TBCE: variants seen among roughly 807,000 people sequenced by gnomAD.
TBCE encodes the protein tubulin-specific chaperone E.
In TBCE, 53 loss-of-function variants were observed where a neutral mutation model predicts 77.0. The observed-to-expected ratio is 0.69, with a 90% confidence interval of 0.55 to 0.87. TBCE has a LOEUF of 0.87. Ranked by LOEUF, TBCE falls within the 40% of genes least tolerant of loss-of-function variation. The pLI is 0.00. For synonymous variants in TBCE, 235 were observed against 241.3 expected, an observed-to-expected ratio of 0.97 and a Z score of 0.24; for missense variants, 624 against 622.4, an observed-to-expected ratio of 1.00 and a Z score of -0.03.
At chr1:235,401,341 C>T (rs1370579084) in intron 2 of TBCE, among the ~76,000 whole-genome samples, 162 bp from the exon 3 acceptor site, 2 of 152,088 alleles carry the variant, frequency 1.3e-5, no homozygotes, top group East Asian at 1.9e-4. Flanking sequence ...ATGGCATTTG[C>T]TGATTGAAGT....
intron 3 of TBCE, among the ~76,000 whole-genome samples, chr1:235,412,377 C>T (rs1156994102): frequency 1.4e-5 from 2 of 147,112 alleles, no homozygotes. Flanking sequence ...CTCCAGGTAC[C>T]AGCAACCATG....
intron 3 of TBCE, among the ~76,000 whole-genome samples, chr1:235,402,200 A>T (rs1028375110): frequency 1.3e-5 from 2 of 151,482 alleles, no homozygotes; most frequent in African/African-American, 2.4e-5. Flanking sequence ...AGTAGCTGGG[A>T]TTACAGGTGC....
intron 1 of TBCE, among the ~76,000 whole-genome samples, chr1:235,375,077 C>T (rs568817392): frequency 6.0e-5 from 9 of 150,460 alleles, no homozygotes; most frequent in Admixed American, 2.0e-4. Context: ...CCCACCACCA[C>T]GCCCGGCTAA....
chr1:235,440,084 C>CCT (rs1446654757), intron 13 of TBCE, among the ~76,000 whole-genome samples: 1 of 152,178 alleles, frequency 6.6e-6, no homozygotes, highest in Non-Finnish European at 1.5e-5. Context: ...CATTCTCCTG[C>CCT]CTCAGCCTCC....
chr1:235,428,878 G>C (rs1027454495), intron 6 of TBCE, among the ~76,000 whole-genome samples: 7 of 151,012 alleles, frequency 4.6e-5, no homozygotes, highest in Non-Finnish European at 1.5e-5. Flanking sequence ...TCTTGACCTT[G>C]TGATCCGCCC....
chr1:235,441,745 T>G, intron 13 of TBCE, 69 bp from the exon 14 acceptor site: 1 of 1,422,470 alleles, frequency 7.0e-7, no homozygotes, highest in Non-Finnish European at 9.9e-7. Flanking sequence ...CCTTTGTTTG[T>G]TTGTTTGTTT....
At chr1:235,438,478 G>A (rs775790841) in intron 12 of TBCE, among the ~76,000 whole-genome samples, 4 of 151,852 alleles carry the variant, frequency 2.6e-5, no homozygotes, top group Non-Finnish European at 5.9e-5. Flanking sequence ...AATCTGGGAG[G>A]TGGAGGTTGC....
rs565580808 is a variant in TBCE, at chr1:235,374,296, C to T, written c.-31-5723C>T. Among the ~76,000 whole-genome samples the T allele has an allele frequency of 6.8e-5, 10 of 146,068 alleles. 1 individual carries two copies. Among genetic ancestry groups the T allele is most frequent in the African/African-American group, 2.1e-4 (8 of 37,936 alleles). ...ATGCTTTTCAGACCATTGTACCCCACGTGCAGGTCAGGCCACATCTGGAAT... is the reference window on the plus strand; with the variant it reads ...ATGCTTTTCAGACCATTGTACCCCATGTGCAGGTCAGGCCACATCTGGAAT... On this transcript the variant is annotated intron_variant, in intron 1 of 16. Transcript: ENST00000642610.
rs575925843 is a variant in TBCE at position 235,424,919 on chromosome 1, G to A, written c.461-2221G>A. 4.6e-5 allele frequency among the ~76,000 whole-genome samples: 7 copies of A among 152,292 alleles called. No individual in the cohort carries two copies. The East Asian group carries it at 9.7e-4, about 21-fold the overall frequency. The stretch of plus-strand genomic sequence containing the variant: ...GCCTCTCAAAGTGCTGGGATTACAG[G>A]CGTGAGCCGCCGCGCCTGGCCTGGA... On this transcript the variant is annotated intron_variant, in intron 5 of 16. Transcript: ENST00000642610.
intron 3 of TBCE, among the ~76,000 whole-genome samples, chr1:235,412,147 CTCCCCTCCCCTCCCCT>C (rs1679824225): frequency 2.1e-3 from 3 of 1,436 alleles, no homozygotes; most frequent in African/African-American, 5.0e-3. Context: ...TCCCCTTCCC[CTCCCCTCCCCTCCCCT>C]TCCCCCCTCC....
chr1:235,376,946 AGAGT>A (rs1477363509), intron 1 of TBCE, among the ~76,000 whole-genome samples: 1 of 152,024 alleles, frequency 6.6e-6, no homozygotes, highest in Non-Finnish European at 1.5e-5. Flanking sequence ...CCTGAGCGAC[AGAGT>A]GAGACTCCGT....
chr1:235,440,192 G>C (rs551759223), intron 13 of TBCE, among the ~76,000 whole-genome samples: 18 of 152,062 alleles, frequency 1.2e-4, no homozygotes, highest in African/African-American at 2.4e-4. Flanking sequence ...GGATGGTCTC[G>C]ATCTCCTGAC....
At chr1:235,380,896 C>T (rs941225129) in intron 2 of TBCE, among the ~76,000 whole-genome samples, 1 of 152,128 alleles carries the variant, frequency 6.6e-6, no homozygotes, top group Non-Finnish European at 1.5e-5. Flanking sequence ...AGCGATTCTC[C>T]TGCCTCAGTC....
At chr1:235,426,245 C>T (rs1017834922) in intron 5 of TBCE, among the ~76,000 whole-genome samples, 6 of 152,158 alleles carry the variant, frequency 3.9e-5, no homozygotes, top group Admixed American at 3.3e-4. Context: ...TGTTGTCTGT[C>T]GGCTTTGCTT....
At chr1:235,381,689 A>T (rs866437620) in intron 2 of TBCE, among the ~76,000 whole-genome samples, 7 of 142,426 alleles carry the variant, frequency 4.9e-5, no homozygotes, top group African/African-American at 1.8e-4. Context: ...CTTCTCCAAA[A>T]AAAAAAAAAA....
intron 1 of TBCE, among the ~76,000 whole-genome samples, chr1:235,373,549 T>A (rs1558341942): frequency 1.3e-5 from 2 of 152,084 alleles, no homozygotes; most frequent in African/African-American, 2.4e-5. Flanking sequence ...GTTCAAGCAA[T>A]TCTTGTGCCT....
rs530428600 is a variant in TBCE at position 235,420,508 on chromosome 1, G to A, written c.460+947G>A. On this transcript the variant is annotated intron_variant, in intron 5 of 16. Transcript: ENST00000642610. Reference sequence around the variant, plus strand: ...TTTTTTTTTTTTTTTTTTTGAGACGGAGTCTCGCTCTGTTGCCAGGCTGCA... The same window carrying A: ...TTTTTTTTTTTTTTTTTTTGAGACGAAGTCTCGCTCTGTTGCCAGGCTGCA... Among the ~76,000 whole-genome samples, 5 of 142,432 alleles carry A rather than the reference G, an allele frequency of 3.5e-5. No individual in the cohort carries two copies. The East Asian group carries it at 1.0e-3, about 29-fold the overall frequency. The allele number at this position is 142,432 out of a possible 152,430, so 93.4% of individuals were successfully genotyped here. A position where few individuals can be genotyped will look rare whatever the true frequency, so the allele number is the denominator to read the frequency against.
At chr1:235,395,206 T>G (rs1402127152) in intron 2 of TBCE, among the ~76,000 whole-genome samples, 2 of 152,160 alleles carry the variant, frequency 1.3e-5, no homozygotes, top group Non-Finnish European at 2.9e-5. Flanking sequence ...TTCTGGATTG[T>G]TGGATTAATT....
chr1:235,435,784 T>G lies in TBCE; in HGVS notation c.777T>G (p.Leu259=). The G allele has an allele frequency of 6.2e-7, 1 of 1,614,182 alleles. No homozygotes were observed. The highest frequency in any genetic ancestry group is 1.1e-5 in the South Asian group (1 of 91,078). ...TCCAGACAGTCAAGTTATTAGATCT[T>G]TCCTCTAATCAATTAATTGATGAAA... ...DVLQTVKLLD[L]SSNQLIDENQ... is the part of the protein sequence containing the mutation. The change falls in exon 9 of 17, where the codon CTT becomes CTG. Residue 259 remains leucine (L), a synonymous_variant. Transcript: ENST00000642610.
Sources: allele counts gnomAD v4.1 joint callset (sites outside exome capture counted in the v4.1 genomes callset), GRCh38; gene constraint gnomAD v4.1.1; transcripts MANE v1.5; gene names NCBI Gene and HGNC (gene_info 2026-07-23, HGNC 2026-07-21).